The following RAD51 variants were observed in gnomAD, a reference collection of about 807,000 sequenced individuals.
RAD51 encodes the protein DNA repair protein RAD51 homolog 1.
In RAD51, 14 loss-of-function variants were observed where a neutral mutation model predicts 41.5. The observed-to-expected ratio is 0.34, with a 90% confidence interval of 0.22 to 0.53. The LOEUF is 0.53. Among genes scored for constraint, RAD51 ranks in the 20% least tolerant of loss-of-function variants. RAD51 has a pLI of 0.95. For synonymous variants in RAD51, 136 were observed against 148.6 expected, an observed-to-expected ratio of 0.92 and a Z score of 0.62; for missense variants, 234 against 422.0, an observed-to-expected ratio of 0.55 and a Z score of 3.90.
intron 4 of RAD51, among the ~76,000 whole-genome samples, chr15:40,708,336 C>T (rs1025035386): frequency 1.5e-4 from 22 of 147,390 alleles, no homozygotes; most frequent in African/African-American, 5.3e-4. Context: ...TCAAGTGATT[C>T]TCCTGCTTCA....
intron 3 of RAD51, chr15:40,701,776 A>ATTT (rs35383252): frequency 9.6e-5 from 13 of 134,862 alleles, no homozygotes; most frequent in South Asian, 2.3e-4. Context: ...TATAAAGCAG[A>ATTT]TTTTTTTTTT....
intron 5 of RAD51, among the ~76,000 whole-genome samples, chr15:40,711,397 T>G (rs1411207971): frequency 6.6e-6 from 1 of 152,200 alleles, no homozygotes; most frequent in Non-Finnish European, 1.5e-5. Context: ...ACTGCATGTT[T>G]TCTGCTGTAT....
intron 9 of RAD51, 76 bp from the exon 10 acceptor site, chr15:40,730,979 C>T (rs894206156): frequency 6.3e-7 from 1 of 1,592,870 alleles, no homozygotes; most frequent in Middle Eastern, 1.7e-4. Flanking sequence ...AAAAAATTTT[C>T]AGCTCTGTTA....
At chr15:40,699,535 C>G (rs1894854457) in intron 2 of RAD51, among the ~76,000 whole-genome samples, 1 of 152,208 alleles carries the variant, frequency 6.6e-6, no homozygotes, top group Non-Finnish European at 1.5e-5. Flanking sequence ...GTCCACCTGC[C>G]TTGGCGTCCC....
intron 2 of RAD51, among the ~76,000 whole-genome samples, chr15:40,700,519 G>A (rs1486091115): frequency 1.3e-5 from 2 of 152,248 alleles, no homozygotes; most frequent in East Asian, 3.9e-4. Flanking sequence ...GTCTTGTAGG[G>A]CCCAAGGTCT....
chr15:40,703,860 T>A (rs1192397532), intron 3 of RAD51, among the ~76,000 whole-genome samples: 1 of 152,034 alleles, frequency 6.6e-6, no homozygotes, highest in Non-Finnish European at 1.5e-5. Flanking sequence ...ATCTTTCTGC[T>A]TGCTTTGTTT....
At chr15:40,699,066 CATTTTT>C (rs1894827867) in intron 2 of RAD51, among the ~76,000 whole-genome samples, 1 of 152,184 alleles carries the variant, frequency 6.6e-6, no homozygotes, top group Non-Finnish European at 1.5e-5. Flanking sequence ...CCTACTTTAT[CATTTTT>C]ATTTCTGAGA....
intron 5 of RAD51, among the ~76,000 whole-genome samples, chr15:40,711,109 T>A (rs1049350097): frequency 1.3e-5 from 2 of 152,142 alleles, no homozygotes; most frequent in Non-Finnish European, 2.9e-5. Context: ...TAAAACTTCA[T>A]AAGAGGCCAG....
chr15:40,724,968 C>G (rs185744231), intron 6 of RAD51, among the ~76,000 whole-genome samples: 1 of 139,802 alleles, frequency 7.2e-6, no homozygotes, highest in Non-Finnish European at 1.5e-5. Context: ...GGCGCAATCT[C>G]GGCTCACTGC....
chr15:40,702,262 C>A (rs980989794), intron 3 of RAD51, among the ~76,000 whole-genome samples: 1 of 151,848 alleles, frequency 6.6e-6, no homozygotes, highest in Non-Finnish European at 1.5e-5. Flanking sequence ...AGTAGGGGTC[C>A]CTAAAGTCTT....
intron 1 of RAD51, 101 bp downstream of exon 1, chr15:40,695,526 G>C (rs1012406621): frequency 5.9e-5 from 9 of 152,350 alleles, no homozygotes; most frequent in African/African-American, 2.2e-4. Flanking sequence ...TGGGGCCTCC[G>C]CGCGCAGTGT....
chr15:40,712,641 A>G (rs549746938), intron 5 of RAD51, among the ~76,000 whole-genome samples: 22 of 152,330 alleles, frequency 1.4e-4, no homozygotes, highest in Admixed American at 3.3e-4. Context: ...ATGCCCATGG[A>G]CCAACTCTTC....
intron 7 of RAD51, among the ~76,000 whole-genome samples, chr15:40,729,084 A>G (rs1249506075): frequency 6.6e-6 from 1 of 152,150 alleles, no homozygotes; most frequent in Non-Finnish European, 1.5e-5. Context: ...TAAAACATCT[A>G]TATACAGGCC....
intron 6 of RAD51, among the ~76,000 whole-genome samples, chr15:40,724,106 T>TACC (rs1201031215): frequency 6.6e-6 from 1 of 152,210 alleles, no homozygotes; most frequent in Non-Finnish European, 1.5e-5. Flanking sequence ...ATTGAATGTA[T>TACC]ACCACTGAAG....
Position 40,732,004 on chromosome 15 carries a change from G to A in RAD51, c.*826G>A. 1 of 210,028 alleles carries A rather than the reference G, an allele frequency of 4.8e-6. No individual in the cohort carries two copies. Among genetic ancestry groups the A allele is most frequent in the Non-Finnish European group, 9.7e-6 (1 of 103,456 alleles). The allele number at this position is 210,028 out of a possible 1,614,324, so 13.0% of individuals were successfully genotyped here. ...AGCCTGAGGTGGGAGAATCACTTAA[G>A]CCTGGAAGGTGGAAGTTGCAGTGAG... On this transcript the variant is annotated 3_prime_UTR_variant, in exon 10 of 10. Coordinates refer to ENST00000267868, the MANE Select transcript of RAD51 (RefSeq NM_002875.5).
intron 1 of RAD51, among the ~76,000 whole-genome samples, chr15:40,696,304 G>C (rs1894630292): frequency 6.6e-6 from 1 of 152,124 alleles, no homozygotes; most frequent in Admixed American, 6.5e-5. Flanking sequence ...GCCGGGCGTC[G>C]TGTCTCACGT....
intron 6 of RAD51, among the ~76,000 whole-genome samples, chr15:40,724,056 G>T (rs1896414114): frequency 6.6e-6 from 1 of 152,022 alleles, no homozygotes; most frequent in African/African-American, 2.4e-5. Context: ...TTTTATAATC[G>T]AATTATCTTT....
At chr15:40,713,281 G>A (rs1453322669) in intron 5 of RAD51, among the ~76,000 whole-genome samples, 1 of 132,132 alleles carries the variant, frequency 7.6e-6, no homozygotes, top group Non-Finnish European at 1.6e-5. Flanking sequence ...CGGAGTCTCT[G>A]TCGCCTAGGC....
At chr15:40,699,264 C>T (rs1894839160) in intron 2 of RAD51, among the ~76,000 whole-genome samples, 1 of 152,178 alleles carries the variant, frequency 6.6e-6, no homozygotes, top group Non-Finnish European at 1.5e-5. Flanking sequence ...CTGCCTCAGC[C>T]TCCCAAGTAG....
Sources: allele counts gnomAD v4.1 joint callset (sites outside exome capture counted in the v4.1 genomes callset), GRCh38; gene constraint gnomAD v4.1.1; transcripts MANE v1.5; gene names NCBI Gene and HGNC (gene_info 2026-07-23, HGNC 2026-07-21).